The following PDE1C variants were observed in gnomAD, a reference collection of about 807,000 sequenced individuals.
PDE1C encodes the protein dual specificity calcium/calmodulin-dependent 3',5'-cyclic nucleotide phosphodiesterase 1C.
In PDE1C, 62 loss-of-function variants were observed where a neutral mutation model predicts 93.1. The observed-to-expected ratio is 0.67, with a 90% CI of 0.54 to 0.82. PDE1C has a LOEUF of 0.82. PDE1C is among the 40% of genes least tolerant of loss of function. The pLI, the probability that PDE1C is intolerant of heterozygous loss-of-function variation, is 0.00. For synonymous variants in PDE1C, 325 were observed against 310.1 expected, an observed-to-expected ratio of 1.05 and a Z score of -0.50; for missense variants, 742 against 884.6, an observed-to-expected ratio of 0.84 and a Z score of 2.04.
chr7:32,114,010 C>T (rs1798835330), intron 3 of PDE1C, among the ~76,000 whole-genome samples: 1 of 152,134 alleles, frequency 6.6e-6, no homozygotes, highest in Non-Finnish European at 1.5e-5. Flanking sequence ...ACATTCTATC[C>T]TCATGGATAG....
intron 1 of PDE1C, among the ~76,000 whole-genome samples, chr7:32,242,625 C>A (rs560805818): frequency 1.3e-5 from 2 of 152,062 alleles, no homozygotes; most frequent in African/African-American, 4.8e-5. Flanking sequence ...GTAACCATAA[C>A]AAAGAGGGGT....
chr7:31,989,225 G>A (rs1354393151), intron 2 of PDE1C, among the ~76,000 whole-genome samples: 1 of 152,050 alleles, frequency 6.6e-6, no homozygotes, highest in Admixed American at 6.6e-5. Context: ...ATTTTCATTT[G>A]TGTTAAGGTC....
At chr7:31,952,790 T>C (rs1471384560) in intron 2 of PDE1C, among the ~76,000 whole-genome samples, 2 of 152,164 alleles carry the variant, frequency 1.3e-5, no homozygotes, top group African/African-American at 4.8e-5. Context: ...AATACAAATA[T>C]AAATAAACTT....
At chr7:32,349,717 C>T (rs925765686) in intron 1 of PDE1C, among the ~76,000 whole-genome samples, 5 of 152,104 alleles carry the variant, frequency 3.3e-5, no homozygotes, top group Admixed American at 6.5e-5. Flanking sequence ...GCAACCTCCA[C>T]CTCTCGGGTT....
At chr7:32,175,275 T>G (rs1802908883) in intron 2 of PDE1C, among the ~76,000 whole-genome samples, 1 of 152,202 alleles carries the variant, frequency 6.6e-6, no homozygotes, top group Non-Finnish European at 1.5e-5. Flanking sequence ...AAAGCAAGTA[T>G]CACAATATAA....
intron 2 of PDE1C, among the ~76,000 whole-genome samples, chr7:31,981,876 C>T (rs969831522): frequency 1.4e-4 from 21 of 152,208 alleles, no homozygotes; most frequent in African/African-American, 5.1e-4. Context: ...AGTTTCATAT[C>T]TTACAGACGA....
At chr7:32,420,092 CATATATATAT>C (rs371570161) in intron 1 of PDE1C, among the ~76,000 whole-genome samples, 2 of 16,356 alleles carry the variant, frequency 1.2e-4, no homozygotes, top group African/African-American at 2.3e-4. Flanking sequence ...GGTGTGGTGG[CATATATATAT>C]ATATATATAT....
chr7:31,766,435 AAAT>A (rs1487273991), intron 17 of PDE1C, among the ~76,000 whole-genome samples: 1 of 152,214 alleles, frequency 6.6e-6, no homozygotes, highest in Admixed American at 6.5e-5. Context: ...AGAAATGTAT[AAAT>A]AATGATATAA....
rs899035645 is a variant in PDE1C at position 31,979,928 on chromosome 7, C to G, written c.128+71626G>C. Among the ~76,000 whole-genome samples the G allele has an allele frequency of 4.6e-5, 7 of 152,294 alleles. No homozygotes were observed. In the East Asian group the frequency reaches 1.4e-3, roughly 29 times the overall value. On this transcript the variant is annotated intron_variant, in intron 2 of 17. Coordinates refer to ENST00000396191, the MANE Select transcript of PDE1C (RefSeq NM_001191057.4). ...CTTCAGATCATGAGACCTCAAAATA[C>G]TCATTTTATCCTGACAGCAGGGGTG... is the stretch of plus-strand genomic sequence containing the variant.
Position 32,363,970 on chromosome 7 carries a change from T to A in PDE1C, c.310+63852A>T, listed in dbSNP as rs1296646486. 2.0e-5 allele frequency among the ~76,000 whole-genome samples: 3 copies of A among 152,232 alleles called. No individual in the cohort carries two copies. In the East Asian group the frequency reaches 5.8e-4, roughly 29 times the overall value. On this transcript the variant is annotated intron_variant, in intron 1 of 1. Coordinates refer to the PDE1C transcript ENST00000672256. ...ACTACATGCTGATATCATTGTCATTTTATAAATGGAGGAACTGAGGTACAG... is the reference window on the plus strand; with the variant it reads ...ACTACATGCTGATATCATTGTCATTATATAAATGGAGGAACTGAGGTACAG...
the PDE1C span, among the ~76,000 whole-genome samples, chr7:31,674,436 G>T: frequency 6.6e-6 from 1 of 152,084 alleles, no homozygotes; most frequent in Non-Finnish European, 1.5e-5. Flanking sequence ...TGTTAGAAAT[G>T]AGAAAAGAAA....
chr7:31,638,807 T>C, the PDE1C span, among the ~76,000 whole-genome samples: 1 of 152,172 alleles, frequency 6.6e-6, no homozygotes, highest in Admixed American at 6.5e-5. Context: ...GATGGAGACT[T>C]GCTCTGTCGC....
chr7:32,133,892 A>G (rs192668357), intron 3 of PDE1C, among the ~76,000 whole-genome samples: 2 of 152,262 alleles, frequency 1.3e-5, no homozygotes, highest in Admixed American at 6.5e-5. Flanking sequence ...AAACATGCTC[A>G]CAATGAATGA....
chr7:32,293,037 G>A (rs1479168277), intron 1 of PDE1C, among the ~76,000 whole-genome samples: 3 of 152,110 alleles, frequency 2.0e-5, no homozygotes, highest in Non-Finnish European at 4.4e-5. Context: ...AAACCCTGGG[G>A]ATCACACCAC....
chr7:31,692,397 C>T, the PDE1C span: 2 of 1,456,892 alleles, frequency 1.4e-6, no homozygotes, highest in South Asian at 2.3e-5. Context: ...GTTTTTTATA[C>T]TTCCTTAGTG....
intron 3 of PDE1C, among the ~76,000 whole-genome samples, chr7:32,157,241 G>A (rs1801629416): frequency 6.6e-6 from 1 of 152,104 alleles, no homozygotes; most frequent in Non-Finnish European, 1.5e-5. Flanking sequence ...TTCAAATACA[G>A]TTAGAAGGAA....
At chr7:31,852,209 T>C (rs1251550764) in intron 7 of PDE1C, among the ~76,000 whole-genome samples, 1 of 152,150 alleles carries the variant, frequency 6.6e-6, no homozygotes, top group Non-Finnish European at 1.5e-5. Context: ...ACATAGAACT[T>C]ATGAAAAATA....
chr7:31,936,702 A>C (rs1805131341), intron 2 of PDE1C, among the ~76,000 whole-genome samples: 1 of 152,172 alleles, frequency 6.6e-6, no homozygotes, highest in African/African-American at 2.4e-5. Flanking sequence ...GGAATTTTAA[A>C]GGGGTAGAGA....
chr7:31,963,382 A>T (rs757419433), intron 2 of PDE1C, among the ~76,000 whole-genome samples: 1 of 152,184 alleles, frequency 6.6e-6, no homozygotes, highest in African/African-American at 2.4e-5. Context: ...AATGATTTTC[A>T]TCTTAAAAAA....
Sources: gnomAD v4.1 joint callset for allele counts (sites outside exome capture counted in the v4.1 genomes callset) on GRCh38, gnomAD v4.1.1 for gene constraint, MANE v1.5 for transcripts, NCBI Gene and HGNC (gene_info 2026-07-23, HGNC 2026-07-21) for gene names.